ASTN1: variants seen among roughly 807,000 people sequenced by gnomAD.
ASTN1 encodes the protein astrotactin 1, also known as astrotactin-1.
Under a neutral mutation model 140.7 loss-of-function variants are expected in ASTN1, and 41 were observed. The ratio of observed to expected loss-of-function variants is 0.29; its 90% CI spans 0.23 to 0.38. ASTN1 has a LOEUF of 0.38. Among genes scored for constraint, ASTN1 ranks in the 10% least tolerant of loss-of-function variants. The pLI, the probability that ASTN1 is intolerant of heterozygous loss-of-function variation, is 1.00. For missense variants in ASTN1, 1,479 were observed against 1,678.8 expected (o/e 0.88, Z 2.08); for synonymous variants, 640 against 652.2 (o/e 0.98, Z 0.29).
At chr1:177,017,552 G>C (rs1056067017) in intron 7 of ASTN1, among the ~76,000 whole-genome samples, 17 of 152,208 alleles carry the variant, frequency 1.1e-4, no homozygotes, top group African/African-American at 3.9e-4. Flanking sequence ...CAAGGGTGTT[G>C]GATGCCCTCC....
chr1:177,081,852 TG>T (rs1453687848), intron 1 of ASTN1, among the ~76,000 whole-genome samples: 1 of 151,628 alleles, frequency 6.6e-6, no homozygotes, highest in Non-Finnish European at 1.5e-5. Flanking sequence ...AAGCTAAGAG[TG>T]GTTTAAGGGT....
At chr1:177,042,994 C>G (rs1473877671) in intron 2 of ASTN1, among the ~76,000 whole-genome samples, 1 of 152,170 alleles carries the variant, frequency 6.6e-6, no homozygotes, top group Non-Finnish European at 1.5e-5. Context: ...TTGGATTGGC[C>G]AAATACAACA....
In ASTN1 at chr1:177,120,708, G is replaced by A. The variant is rs371109238; in HGVS notation, c.283+43686C>T. Among the ~76,000 whole-genome samples the A allele has an allele frequency of 7.4e-4, 113 of 152,216 alleles. No individual in the cohort carries two copies. In the Middle Eastern group the frequency reaches 0.01, roughly 14 times the overall value. ...TCTCACTCAAACAGGCTGTCTCCCG[G>A]TTTTTCTGCCTACATTGGTATTCGC... On this transcript the variant is annotated intron_variant, in intron 1 of 22. Coordinates refer to ENST00000361833, the MANE Select transcript of ASTN1 (RefSeq NM_004319.3).
At chr1:176,883,858 G>A (rs1280966855) in intron 19 of ASTN1, among the ~76,000 whole-genome samples, 2 of 74,652 alleles carry the variant, frequency 2.7e-5, no homozygotes, top group East Asian at 2.4e-3. Context: ...CTTACTAGCT[G>A]GACCTGAGAA....
At chr1:176,872,707 G>C (rs1379431926) in intron 21 of ASTN1, among the ~76,000 whole-genome samples, 1 of 152,054 alleles carries the variant, frequency 6.6e-6, no homozygotes, top group African/African-American at 2.4e-5. Context: ...CTCCTCTCCT[G>C]CTCTTCTCCC....
At chr1:177,130,095 A>AGT (rs1460748897) in intron 1 of ASTN1, among the ~76,000 whole-genome samples, 2 of 152,260 alleles carry the variant, frequency 1.3e-5, no homozygotes, top group African/African-American at 2.4e-5. Flanking sequence ...AGAGCTTATG[A>AGT]GTGAACAATC....
chr1:177,117,521 G>A (rs556467619), intron 1 of ASTN1, among the ~76,000 whole-genome samples: 89 of 152,136 alleles, frequency 5.9e-4, no homozygotes, highest in Middle Eastern at 3.4e-3. Flanking sequence ...CTGACCTAGC[G>A]GAACTTAAGT....
intron 16 of ASTN1, among the ~76,000 whole-genome samples, chr1:176,905,685 G>A (rs1455273795): frequency 2.0e-5 from 3 of 152,038 alleles, no homozygotes; most frequent in South Asian, 2.1e-4. Flanking sequence ...GATTCTGCAC[G>A]GTTCTCTCAC....
At chr1:177,137,379 A>C (rs1383103771) in intron 1 of ASTN1, among the ~76,000 whole-genome samples, 1 of 152,222 alleles carries the variant, frequency 6.6e-6, no homozygotes, top group Non-Finnish European at 1.5e-5. Flanking sequence ...GACATTATTA[A>C]CTAAGATGAA....
At chr1:176,885,421 G>T (rs182107219) in intron 18 of ASTN1, among the ~76,000 whole-genome samples, 1 of 152,224 alleles carries the variant, frequency 6.6e-6, no homozygotes, top group Non-Finnish European at 1.5e-5. Context: ...CTGATTTCTT[G>T]TATGTGCCTC....
chr1:176,913,084 T>A (rs971480293), intron 16 of ASTN1, among the ~76,000 whole-genome samples: 1 of 152,202 alleles, frequency 6.6e-6, no homozygotes, highest in Non-Finnish European at 1.5e-5. Context: ...TCTATCAAAG[T>A]TGCCCATTTC....
chr1:177,136,495 G>C (rs1226127968), intron 1 of ASTN1, among the ~76,000 whole-genome samples: 1 of 151,842 alleles, frequency 6.6e-6, no homozygotes, highest in Non-Finnish European at 1.5e-5. Context: ...TGGGAGTACA[G>C]GTGCACCCCA....
chr1:177,015,900 T>A (rs1209067690), intron 7 of ASTN1, among the ~76,000 whole-genome samples: 14 of 152,204 alleles, frequency 9.2e-5, no homozygotes, highest in Admixed American at 8.5e-4. Context: ...TTCCTACTAT[T>A]TAAATGTCTG....
At chr1:177,157,326 T>G (rs1683282874) in intron 1 of ASTN1, among the ~76,000 whole-genome samples, 1 of 152,148 alleles carries the variant, frequency 6.6e-6, no homozygotes, top group Non-Finnish European at 1.5e-5. Flanking sequence ...TTGTTTGTTT[T>G]GTTTTGTTTT....
At chr1:177,139,624 G>A (rs1682369968) in intron 1 of ASTN1, among the ~76,000 whole-genome samples, 1 of 152,126 alleles carries the variant, frequency 6.6e-6, no homozygotes, top group Non-Finnish European at 1.5e-5. Context: ...AAACCTAGTG[G>A]ATTTTTAGTA....
At chr1:177,158,078 A>C (rs1683314014) in intron 1 of ASTN1, among the ~76,000 whole-genome samples, 1 of 152,192 alleles carries the variant, frequency 6.6e-6, no homozygotes, top group Non-Finnish European at 1.5e-5. Context: ...TTCCTGTGTA[A>C]TGAAAAGCTA....
intron 2 of ASTN1, among the ~76,000 whole-genome samples, chr1:177,042,599 A>C (rs1407143125): frequency 6.6e-6 from 1 of 152,228 alleles, no homozygotes; most frequent in Non-Finnish European, 1.5e-5. Context: ...TATTGTGTTT[A>C]CCACATGCCA....
intron 9 of ASTN1, 35 bp from the exon 10 acceptor site, chr1:176,958,517 G>T: frequency 6.3e-7 from 1 of 1,582,004 alleles, no homozygotes. Context: ...GGTCATGACT[G>T]GGGGCATAAC....
At chr1:176,984,763 A>C (rs188379039) in intron 8 of ASTN1, among the ~76,000 whole-genome samples, 326 of 152,292 alleles carry the variant, frequency 2.1e-3, no homozygotes, top group African/African-American at 7.5e-3. Flanking sequence ...GGGCAAGCAT[A>C]ACTTCCTTGC....
Sources: allele counts gnomAD v4.1 joint callset (sites outside exome capture counted in the v4.1 genomes callset), GRCh38; gene constraint gnomAD v4.1.1; transcripts MANE v1.5; gene names NCBI Gene and HGNC (gene_info 2026-07-23, HGNC 2026-07-21).